Variants in RSRC1 observed in about 807,000 individuals in gnomAD.
RSRC1 encodes arginine and serine rich coiled-coil 1.
Under a neutral mutation model 49.1 loss-of-function variants are expected in RSRC1, and 39 were observed. The observed-to-expected ratio is 0.79, with a 90% CI of 0.61 to 1.04. RSRC1 has a LOEUF of 1.04. Ranked by LOEUF, RSRC1 falls within the 50% of genes least tolerant of loss-of-function variation. RSRC1 has a pLI of 0.00. For synonymous variants in RSRC1, 143 were observed against 130.8 expected (o/e 1.09, Z -0.63); for missense variants, 388 against 402.4 (o/e 0.96, Z 0.31).
chr3:158,382,017 C>A (rs116777687), intron 6 of RSRC1, among the ~76,000 whole-genome samples: 1,677 of 152,150 alleles, frequency 0.011, 18 homozygotes, highest in South Asian at 0.03. Context: ...AACTTATTGA[C>A]CATTTTAAAT....
intron 3 of RSRC1, among the ~76,000 whole-genome samples, chr3:158,180,647 A>G (rs574812866): frequency 6.6e-6 from 1 of 150,808 alleles, no homozygotes; most frequent in East Asian, 2.0e-4. Context: ...TGCATTTTTC[A>G]AAAGAGGTGG....
chr3:158,156,221 T>C (rs576035076), intron 3 of RSRC1, among the ~76,000 whole-genome samples: 1 of 152,342 alleles, frequency 6.6e-6, no homozygotes, highest in East Asian at 1.9e-4. Context: ...TTCTTAAACC[T>C]CATGAACTAA....
intron 5 of RSRC1, among the ~76,000 whole-genome samples, chr3:158,305,129 A>C (rs541857271): frequency 6.6e-6 from 1 of 152,078 alleles, no homozygotes; most frequent in Admixed American, 6.6e-5. Flanking sequence ...TTCAAATAGC[A>C]TGAACTTGGG....
intron 6 of RSRC1, among the ~76,000 whole-genome samples, chr3:158,426,331 G>A (rs1285264781): frequency 6.6e-6 from 1 of 151,330 alleles, no homozygotes; most frequent in Non-Finnish European, 1.5e-5. Flanking sequence ...TTAATATCTG[G>A]AATATATAAA....
At chr3:158,313,654 A>G (rs1354563414) in intron 5 of RSRC1, among the ~76,000 whole-genome samples, 1 of 152,156 alleles carries the variant, frequency 6.6e-6, no homozygotes, top group Non-Finnish European at 1.5e-5. Flanking sequence ...AAACTATCTC[A>G]TGCATGGCAA....
chr3:158,322,617 G>A (rs1728827553), intron 5 of RSRC1, among the ~76,000 whole-genome samples: 1 of 152,134 alleles, frequency 6.6e-6, no homozygotes, highest in African/African-American at 2.4e-5. Context: ...TTGGTCTTCA[G>A]TTATTTGTAA....
Position 158,477,798 on chromosome 3 carries a change from T to TTTTATATA in RSRC1, c.652+16796_652+16797insTTATATAT, listed in dbSNP as rs1485762587. On this transcript the variant is annotated intron_variant, in intron 7 of 9. Coordinates refer to ENST00000611884, the MANE Select transcript of RSRC1 (RefSeq NM_001271838.2). ...TGATGGGATAGGTTGCGGGAGGGAT[T>TTTTATATA]TATATATATATATATATATATATAT... Among the ~76,000 whole-genome samples the TTTTATATA allele has an allele frequency of 4.3e-3, 384 of 89,756 alleles. 38 individuals are homozygous for TTTTATATA. The highest frequency in any genetic ancestry group is 0.014 in the African/African-American group (296 of 21,646). The allele number at this position is 89,756 out of a possible 152,430, so 58.9% of individuals were successfully genotyped here. A position where few individuals can be genotyped will look rare whatever the true frequency, so the allele number is the denominator to read the frequency against.
intron 4 of RSRC1, among the ~76,000 whole-genome samples, chr3:158,266,938 A>G (rs1725222661): frequency 6.6e-6 from 1 of 151,920 alleles, no homozygotes; most frequent in Non-Finnish European, 1.5e-5. Flanking sequence ...TAATTTTTGT[A>G]TTTTTTGTAG....
intron 7 of RSRC1, among the ~76,000 whole-genome samples, chr3:158,526,529 C>T (rs1712036662): frequency 6.6e-6 from 1 of 151,988 alleles, no homozygotes; most frequent in South Asian, 2.1e-4. Flanking sequence ...GATAAAAGTT[C>T]TAAATAAGAA....
intron 3 of RSRC1, among the ~76,000 whole-genome samples, chr3:158,149,697 T>C (rs146716301): frequency 1.0e-3 from 153 of 152,296 alleles, no homozygotes; most frequent in African/African-American, 3.4e-3. Context: ...ATTATACCTA[T>C]TCCAACTCTG....
At chr3:158,313,800 T>G (rs1277366205) in intron 5 of RSRC1, among the ~76,000 whole-genome samples, 2 of 152,236 alleles carry the variant, frequency 1.3e-5, no homozygotes, top group African/African-American at 4.8e-5. Context: ...CTAAAGAAAT[T>G]ATTATGGCTG....
At chr3:158,421,993 A>G (rs1446152999) in intron 6 of RSRC1, among the ~76,000 whole-genome samples, 1 of 151,904 alleles carries the variant, frequency 6.6e-6, no homozygotes, top group East Asian at 2.0e-4. Flanking sequence ...TTGATGATAC[A>G]TATGTTTGGT....
At chr3:158,325,069 T>G (rs1729037605) in intron 5 of RSRC1, among the ~76,000 whole-genome samples, 1 of 152,212 alleles carries the variant, frequency 6.6e-6, no homozygotes, top group South Asian at 2.1e-4. Flanking sequence ...GCCCACTTGT[T>G]GATGGGGTTG....
intron 5 of RSRC1, among the ~76,000 whole-genome samples, chr3:158,320,738 A>G (rs965615050): frequency 6.6e-6 from 1 of 152,156 alleles, no homozygotes; most frequent in Non-Finnish European, 1.5e-5. Flanking sequence ...TCATACAATC[A>G]TCTTGCTGTT....
chr3:158,125,919 A>G (rs1379257280), intron 3 of RSRC1, among the ~76,000 whole-genome samples: 1 of 152,162 alleles, frequency 6.6e-6, no homozygotes, highest in Non-Finnish European at 1.5e-5. Context: ...ATTGTTATAT[A>G]TTCCAGAATA....
chr3:158,268,696 T>C (rs2108050515), intron 4 of RSRC1, among the ~76,000 whole-genome samples: 1 of 152,334 alleles, frequency 6.6e-6, no homozygotes, highest in African/African-American at 2.4e-5. Flanking sequence ...TACTTAGTTA[T>C]TATAATTGTT....
intron 1 of RSRC1, among the ~76,000 whole-genome samples, chr3:158,115,918 A>G (rs1608101): frequency 0.71 from 108,221 of 152,078 alleles, 39,232 homozygotes; most frequent in African/African-American, 0.83. Context: ...CCATATGGAT[A>G]ACCTTTGGTA....
chr3:158,134,023 T>G (rs1377927143), intron 3 of RSRC1, among the ~76,000 whole-genome samples: 1 of 152,136 alleles, frequency 6.6e-6, no homozygotes, highest in African/African-American at 2.4e-5. Context: ...GAAAGGAACC[T>G]TGATACAAGC....
intron 7 of RSRC1, among the ~76,000 whole-genome samples, chr3:158,508,380 G>A (rs1179675746): frequency 6.6e-6 from 1 of 151,152 alleles, no homozygotes; most frequent in Non-Finnish European, 1.5e-5. Context: ...TCACATTTGT[G>A]TCTCTACCCT....
Sources: gnomAD v4.1 joint callset for allele counts (sites outside exome capture counted in the v4.1 genomes callset) on GRCh38, gnomAD v4.1.1 for gene constraint, MANE v1.5 for transcripts, NCBI Gene and HGNC (gene_info 2026-07-23, HGNC 2026-07-21) for gene names.